Variants in PPP2R5E observed in about 807,000 individuals in gnomAD.
PPP2R5E encodes the protein serine/threonine-protein phosphatase 2A 56 kDa regulatory subunit epsilon isoform.
A neutral mutation model predicts 65.3 loss-of-function variants in PPP2R5E; 4 were observed. The ratio of observed to expected loss-of-function variants is 0.06; its 90% confidence interval spans 0.03 to 0.14. The LOEUF (loss-of-function observed/expected upper bound fraction) is 0.14, where lower values mean the gene tolerates loss of function less well. PPP2R5E is among the 10% of genes least tolerant of loss of function. The pLI, the probability that PPP2R5E is intolerant of heterozygous loss-of-function variation, is 1.00. For missense variants in PPP2R5E, 274 were observed against 556.1 expected, an observed-to-expected ratio of 0.49 and a Z score of 5.10; for synonymous variants, 183 against 187.4, an observed-to-expected ratio of 0.98 and a Z score of 0.19.
At chr14:63,508,554 C>T (rs185331611) in intron 2 of PPP2R5E, among the ~76,000 whole-genome samples, 3 of 152,298 alleles carry the variant, frequency 2.0e-5, no homozygotes, top group Admixed American at 6.5e-5. Context: ...CTCAATATTC[C>T]CCTTTTTACC....
intron 1 of PPP2R5E, among the ~76,000 whole-genome samples, chr14:63,541,626 T>C (rs376186086): frequency 2.0e-5 from 3 of 152,348 alleles, no homozygotes; most frequent in Admixed American, 6.5e-5. Flanking sequence ...TACTCACCTG[T>C]CATTCCAATA....
intron 2 of PPP2R5E, among the ~76,000 whole-genome samples, chr14:63,483,311 T>C (rs1243350853): frequency 6.6e-6 from 1 of 152,124 alleles, no homozygotes; most frequent in South Asian, 2.1e-4. Flanking sequence ...TGCCTAATTA[T>C]GACATCAGTG....
At chr14:63,484,364 C>CACACAT (rs1890877206) in intron 2 of PPP2R5E, among the ~76,000 whole-genome samples, 1 of 151,670 alleles carries the variant, frequency 6.6e-6, no homozygotes, top group African/African-American at 2.4e-5. Flanking sequence ...CACACACACA[C>CACACAT]ACACACACAC....
intron 2 of PPP2R5E, among the ~76,000 whole-genome samples, chr14:63,531,950 T>C (rs2139760148): frequency 6.8e-6 from 1 of 148,044 alleles, no homozygotes; most frequent in Admixed American, 6.6e-5. Context: ...CGAACCTCCA[T>C]CTCAAAACAC....
intron 13 of PPP2R5E, among the ~76,000 whole-genome samples, chr14:63,377,143 C>A (rs1231349672): frequency 6.7e-6 from 1 of 149,272 alleles, no homozygotes; most frequent in African/African-American, 2.5e-5. Flanking sequence ...AGCAAGACTC[C>A]GTCTCCAAAA....
chr14:63,471,338 T>C (rs1566727980), intron 2 of PPP2R5E, among the ~76,000 whole-genome samples: 1 of 152,190 alleles, frequency 6.6e-6, no homozygotes, highest in Non-Finnish European at 1.5e-5. Flanking sequence ...ATCTTGACTA[T>C]AAGCAATGTC....
chr14:63,373,444 C>T lies in PPP2R5E; in HGVS notation c.*2565G>A, dbSNP rs1883800887. On this transcript the variant is annotated 3_prime_UTR_variant, in exon 14 of 14. Transcript: ENST00000337537. ...TCACATAGTGCAACAGTCAGATTAC[C>T]TCAGTTACTCTGCGTCACCGCACAC... The T allele has an allele frequency of 1.3e-5, 2 of 152,196 alleles. No individual in the cohort carries two copies. Among genetic ancestry groups the T allele is most frequent in the Non-Finnish European group, 2.9e-5 (2 of 68,048 alleles). 9.4% of individuals were successfully genotyped at this position (152,196 alleles called of 1,614,324 possible).
At chr14:63,464,904 TTCCAGC>T (rs1361119082) in intron 2 of PPP2R5E, among the ~76,000 whole-genome samples, 10 of 152,166 alleles carry the variant, frequency 6.6e-5, no homozygotes, top group Non-Finnish European at 1.2e-4. Flanking sequence ...GTGTCTGTAG[TTCCAGC>T]TATTTGGGAG....
chr14:63,422,066 G>A lies in PPP2R5E; in HGVS notation c.383C>T (p.Pro128Leu). 1 of 1,613,636 alleles carries A rather than the reference G, an allele frequency of 6.2e-7. No homozygotes were observed. The highest frequency in any genetic ancestry group is 8.5e-7 in the Non-Finnish European group (1 of 1,179,558). The change falls in exon 4 of 14, where the codon CCT becomes CTT. Residue 128 changes from proline to leucine, a missense_variant. By Grantham distance (98) the Pro-to-Leu change is moderately conservative. This residue lies in a region of PPP2R5E where 51 missense variants were observed against 101.1 expected (regional missense o/e 0.50). Coordinates refer to ENST00000337537, the MANE Select transcript of PPP2R5E (RefSeq NM_006246.5). ...MVSCNIFRTL[P>L]PSDSNEFDPE... is the part of the protein sequence containing the mutation. ...ATCAAATTCATTGCTGTCACTAGGA[G>A]GGAGAGTTCTGAATATATTGCAAGA...
chr14:63,482,392 G>A (rs1890752320), intron 2 of PPP2R5E, among the ~76,000 whole-genome samples: 1 of 152,208 alleles, frequency 6.6e-6, no homozygotes, highest in East Asian at 1.9e-4. Flanking sequence ...CCAGGAGGCA[G>A]AGGTTGCAGT....
chr14:63,383,083 TAGCTATGGGACACTATAC>T (rs1291638284), intron 12 of PPP2R5E, among the ~76,000 whole-genome samples: 7 of 152,094 alleles, frequency 4.6e-5, no homozygotes, highest in Non-Finnish European at 8.8e-5. Context: ...TGGTTGCTAT[TAGCTATGGGACACTATAC>T]AGCTAAACAG....
At chr14:63,446,955 C>T (rs1023571992) in intron 3 of PPP2R5E, among the ~76,000 whole-genome samples, 5 of 151,814 alleles carry the variant, frequency 3.3e-5, no homozygotes, top group Admixed American at 6.6e-5. Context: ...AAAAACAAAA[C>T]GTTTTTCTAA....
At chr14:63,429,352 C>T (rs1405924244) in intron 3 of PPP2R5E, among the ~76,000 whole-genome samples, 3 of 152,084 alleles carry the variant, frequency 2.0e-5, no homozygotes, top group Admixed American at 6.6e-5. Context: ...GTTATCATGG[C>T]TATAAAGTGA....
At chr14:63,496,509 G>A (rs1891578736) in intron 2 of PPP2R5E, among the ~76,000 whole-genome samples, 1 of 150,512 alleles carries the variant, frequency 6.6e-6, no homozygotes, top group African/African-American at 2.4e-5. Context: ...ACCTCAAAGA[G>A]TTAAGAAACC....
chr14:63,497,426 A>T (rs1891623053), intron 2 of PPP2R5E, among the ~76,000 whole-genome samples: 1 of 152,028 alleles, frequency 6.6e-6, no homozygotes, highest in Admixed American at 6.6e-5. Flanking sequence ...AAAGATAACT[A>T]AAAAAATACA....
intron 2 of PPP2R5E, among the ~76,000 whole-genome samples, chr14:63,509,267 CTTTTTTTTTT>C (rs10553696): frequency 1.6e-4 from 17 of 108,058 alleles, no homozygotes; most frequent in Non-Finnish European, 2.7e-4. Context: ...TTAAAATATC[CTTTTTTTTTT>C]TTTTTTTTTT....
At chr14:63,430,405 A>G (rs868060022) in intron 3 of PPP2R5E, among the ~76,000 whole-genome samples, 339 of 144,148 alleles carry the variant, frequency 2.4e-3, no homozygotes, top group South Asian at 4.8e-3. Context: ...ATACATGCAT[A>G]CATACATACA....
At chr14:63,380,080 C>T (rs143201697) in intron 13 of PPP2R5E, among the ~76,000 whole-genome samples, 1,966 of 151,012 alleles carry the variant, frequency 0.013, 44 homozygotes, top group East Asian at 0.048. Flanking sequence ...ATGACCCGCC[C>T]GCCTCAGCCT....
At chr14:63,424,505 A>T (rs924963341) in intron 3 of PPP2R5E, among the ~76,000 whole-genome samples, 1 of 152,166 alleles carries the variant, frequency 6.6e-6, no homozygotes, top group Non-Finnish European at 1.5e-5. Flanking sequence ...TAATCCCAGC[A>T]CTTTGAGAGG....
Sources: allele counts gnomAD v4.1 joint callset (sites outside exome capture counted in the v4.1 genomes callset), GRCh38; gene constraint gnomAD v4.1.1; regional missense constraint gnomAD v4.1.1; transcripts MANE v1.5; gene names NCBI Gene and HGNC (gene_info 2026-07-23, HGNC 2026-07-21).